The following FBXL17 variants were observed in gnomAD, a reference collection of about 807,000 sequenced individuals.
FBXL17 encodes the protein F-box/LRR-repeat protein 17.
A neutral mutation model predicts 66.2 loss-of-function variants in FBXL17; 22 were observed. The observed-to-expected ratio is 0.33, with a 90% confidence interval of 0.24 to 0.47. FBXL17 has a LOEUF of 0.47. Among genes scored for constraint, FBXL17 ranks in the 20% least tolerant of loss-of-function variants. FBXL17 has a pLI of 1.00. For missense variants in FBXL17, 878 were observed against 948.2 expected (o/e 0.93, Z 0.97); for synonymous variants, 474 against 400.5 (o/e 1.18, Z -2.19).
At chr5:107,927,139 A>G (rs1750549400) in intron 7 of FBXL17, among the ~76,000 whole-genome samples, 1 of 152,184 alleles carries the variant, frequency 6.6e-6, no homozygotes, top group South Asian at 2.1e-4. Flanking sequence ...TAGAAAATAA[A>G]TGCTAAATCA....
chr5:108,140,278 T>C (rs185361), intron 6 of FBXL17, among the ~76,000 whole-genome samples: 20,264 of 152,104 alleles, frequency 0.13, 1,625 homozygotes, highest in South Asian at 0.31. Context: ...ACTCCTGGGG[T>C]CAAGTGACCC....
chr5:108,203,224 C>A (rs1197114482), intron 5 of FBXL17, among the ~76,000 whole-genome samples: 1 of 151,472 alleles, frequency 6.6e-6, no homozygotes, highest in East Asian at 1.9e-4. Flanking sequence ...TAGTTATGTG[C>A]CAAGAACTCT....
At chr5:108,353,271 T>C (rs377479068) in intron 3 of FBXL17, among the ~76,000 whole-genome samples, 10 of 152,262 alleles carry the variant, frequency 6.6e-5, no homozygotes, top group South Asian at 4.1e-4. Flanking sequence ...GACAGACAGA[T>C]GCAGAGAAGC....
intron 6 of FBXL17, among the ~76,000 whole-genome samples, chr5:108,185,410 C>G (rs1397092606): frequency 6.6e-6 from 1 of 152,140 alleles, no homozygotes; most frequent in Non-Finnish European, 1.5e-5. Context: ...CTTTTCCTTC[C>G]TTCTCTAGCC....
At chr5:108,296,223 A>G (rs571109738) in intron 4 of FBXL17, among the ~76,000 whole-genome samples, 1 of 151,934 alleles carries the variant, frequency 6.6e-6, no homozygotes, top group Admixed American at 6.6e-5. Flanking sequence ...CTGGATTAGA[A>G]CACTAGGAAG....
At position 108,231,048 on chromosome 5, in the gene FBXL17, T is replaced by C. The variant is rs565701586; in HGVS notation, c.1507-6820A>G. Among the ~76,000 whole-genome samples, 6 of 152,250 alleles carry C rather than the reference T, an allele frequency of 3.9e-5. No individual in the cohort carries two copies. The East Asian group carries it at 1.2e-3, about 29-fold the overall frequency. ...GGTGATTCTTATACACCTTAAAGTT[T>C]GAGAAATACTGCTCAAGTGATAAAG... On this transcript the variant is annotated intron_variant, in intron 4 of 8. Coordinates refer to ENST00000542267, the MANE Select transcript of FBXL17 (RefSeq NM_001163315.3).
chr5:108,190,171 CT>C (rs1753413906), intron 5 of FBXL17, among the ~76,000 whole-genome samples: 1 of 152,212 alleles, frequency 6.6e-6, no homozygotes, highest in Non-Finnish European at 1.5e-5. Flanking sequence ...CCAGGCTTCA[CT>C]CAAGACAAGG....
chr5:108,060,676 T>C (rs1305215775), intron 6 of FBXL17, among the ~76,000 whole-genome samples: 1 of 152,146 alleles, frequency 6.6e-6, no homozygotes, highest in African/African-American at 2.4e-5. Flanking sequence ...TAGAACTCTC[T>C]CTCAGACCCT....
At chr5:108,006,366 T>C (rs1444235780) in intron 7 of FBXL17, among the ~76,000 whole-genome samples, 3 of 152,186 alleles carry the variant, frequency 2.0e-5, no homozygotes, top group Non-Finnish European at 4.4e-5. Context: ...CTTAAATATA[T>C]TTTGAGGATA....
chr5:108,361,295 T>C (rs1561553307), intron 3 of FBXL17, among the ~76,000 whole-genome samples: 1 of 152,196 alleles, frequency 6.6e-6, no homozygotes, highest in African/African-American at 2.4e-5. Context: ...GCCAGTGTTT[T>C]GAAAGAGATT....
chr5:108,108,573 G>T (rs2149949884), intron 6 of FBXL17, among the ~76,000 whole-genome samples: 1 of 152,206 alleles, frequency 6.6e-6, no homozygotes, highest in Non-Finnish European at 1.5e-5. Flanking sequence ...TTTAAATAAA[G>T]ACATGGGTAA....
At chr5:107,875,182 G>T (rs113463177) in intron 8 of FBXL17, among the ~76,000 whole-genome samples, 1 of 151,578 alleles carries the variant, frequency 6.6e-6, no homozygotes, top group Admixed American at 6.6e-5. Flanking sequence ...GGGCAACCTG[G>T]AAACAGCTGT....
At chr5:108,033,403 G>A (rs941433777) in intron 6 of FBXL17, among the ~76,000 whole-genome samples, 1 of 152,016 alleles carries the variant, frequency 6.6e-6, no homozygotes, top group African/African-American at 2.4e-5. Flanking sequence ...AATCTTAAAA[G>A]CAATCGGTTT....
chr5:108,124,737 T>C (rs1418797101), intron 6 of FBXL17, among the ~76,000 whole-genome samples: 7 of 152,068 alleles, frequency 4.6e-5, no homozygotes, highest in Admixed American at 3.3e-4. Flanking sequence ...AATCTCATCT[T>C]TCTAGTCTAT....
chr5:108,028,784 C>T (rs563869631), intron 6 of FBXL17, among the ~76,000 whole-genome samples: 1 of 152,004 alleles, frequency 6.6e-6, no homozygotes, highest in Non-Finnish European at 1.5e-5. Flanking sequence ...CAGAAGACTA[C>T]AAAACACAGG....
chr5:108,265,923 A>G (rs906671451), intron 4 of FBXL17, among the ~76,000 whole-genome samples: 8 of 152,130 alleles, frequency 5.3e-5, no homozygotes, highest in African/African-American at 1.9e-4. Flanking sequence ...TCGACACTAC[A>G]ATTAAGTTTA....
chr5:108,234,834 G>A (rs554610735), intron 4 of FBXL17, among the ~76,000 whole-genome samples: 2 of 152,164 alleles, frequency 1.3e-5, no homozygotes, highest in African/African-American at 4.8e-5. Context: ...GTAGTAACTG[G>A]AATCCAAGGA....
intron 6 of FBXL17, among the ~76,000 whole-genome samples, chr5:108,178,103 G>A (rs1752864702): frequency 6.6e-6 from 1 of 151,902 alleles, no homozygotes; most frequent in South Asian, 2.1e-4. Flanking sequence ...ACAGCTCACT[G>A]CAATCTCTGC....
chr5:108,135,215 T>G (rs1178968446), intron 6 of FBXL17, among the ~76,000 whole-genome samples: 4 of 152,034 alleles, frequency 2.6e-5, no homozygotes, highest in Admixed American at 6.6e-5. Context: ...TAGCATAGAT[T>G]TGGAGAAAAA....
Sources: allele counts gnomAD v4.1 joint callset (sites outside exome capture counted in the v4.1 genomes callset), GRCh38; gene constraint gnomAD v4.1.1; transcripts MANE v1.5; gene names NCBI Gene and HGNC (gene_info 2026-07-23, HGNC 2026-07-21).